The following FHIT variants were observed in gnomAD, a reference collection of about 807,000 sequenced individuals.
FHIT encodes the protein fragile histidine triad diadenosine triphosphatase, also known as bis(5'-adenosyl)-triphosphatase.
FHIT carries 19 observed loss-of-function variants against 17.9 expected under a neutral mutation model. The ratio of observed to expected loss-of-function variants is 1.06; its 90% CI spans 0.74 to 1.56. The LOEUF (loss-of-function observed/expected upper bound fraction) is 1.56, where lower values mean the gene tolerates loss of function less well. Among genes scored for constraint, FHIT ranks in the 40% most tolerant of loss-of-function variants. FHIT has a pLI of 0.00. For missense variants in FHIT, 248 were observed against 189.2 expected (o/e 1.31, Z -1.82); for synonymous variants, 81 against 69.7 (o/e 1.16, Z -0.81).
intron 3 of FHIT, among the ~76,000 whole-genome samples, chr3:61,008,573 G>A (rs528909538): frequency 1.3e-5 from 2 of 152,270 alleles, no homozygotes; most frequent in East Asian, 3.9e-4. Flanking sequence ...CAGTTATTGG[G>A]TTGAGTCTAA....
chr3:60,514,231 A>G (rs741751), intron 5 of FHIT, among the ~76,000 whole-genome samples: 56,319 of 152,168 alleles, frequency 0.37, 10,884 homozygotes, highest in African/African-American at 0.47. Flanking sequence ...TGAGCTGGCT[A>G]ACACTTAAGC....
chr3:60,285,278 A>G (rs1404169600), intron 5 of FHIT, among the ~76,000 whole-genome samples: 1 of 152,112 alleles, frequency 6.6e-6, no homozygotes, highest in Non-Finnish European at 1.5e-5. Flanking sequence ...AAAAATAAAC[A>G]TTTGCCAATG....
At chr3:59,843,642 A>G (rs1039702217) in intron 8 of FHIT, among the ~76,000 whole-genome samples, 1 of 152,116 alleles carries the variant, frequency 6.6e-6, no homozygotes, top group Non-Finnish European at 1.5e-5. Flanking sequence ...GCTAATTCCT[A>G]AGTATTTTAT....
Position 60,939,153 on chromosome 3 carries a change from T to A in FHIT, c.-111+102894A>T, listed in dbSNP as rs558818920. On this transcript the variant is annotated intron_variant, in intron 3 of 9. Transcript: ENST00000492590. ...AATGACACCTTAACTTCTACTTTGTTGCTTTTCTTTGAATTAACTAGGGCT... is the reference window on the plus strand; with the variant it reads ...AATGACACCTTAACTTCTACTTTGTAGCTTTTCTTTGAATTAACTAGGGCT... 7.2e-5 allele frequency among the ~76,000 whole-genome samples: 11 copies of A among 152,338 alleles called. No homozygotes were observed. The South Asian group carries it at 2.1e-3, about 29-fold the overall frequency.
chr3:60,723,183 C>G (rs551179444), intron 4 of FHIT, among the ~76,000 whole-genome samples: 1 of 152,278 alleles, frequency 6.6e-6, no homozygotes, highest in East Asian at 1.9e-4. Context: ...CTCCTAACAC[C>G]TTTTGCACAT....
chr3:60,627,440 T>C (rs1029092059), intron 4 of FHIT, among the ~76,000 whole-genome samples: 8 of 152,230 alleles, frequency 5.3e-5, no homozygotes, highest in Non-Finnish European at 8.8e-5. Context: ...ATCCAATTCA[T>C]AGTCATACAT....
At chr3:60,570,432 G>A (rs1343616125) in intron 4 of FHIT, among the ~76,000 whole-genome samples, 8 of 152,130 alleles carry the variant, frequency 5.3e-5, no homozygotes, top group Non-Finnish European at 1.0e-4. Flanking sequence ...TTGGGAATAA[G>A]AGTGTTGAGG....
intron 3 of FHIT, among the ~76,000 whole-genome samples, chr3:60,957,772 A>G (rs929528751): frequency 2.6e-5 from 4 of 152,162 alleles, no homozygotes; most frequent in Non-Finnish European, 5.9e-5. Flanking sequence ...TTTACAAAGC[A>G]CCTGTTTCCC....
At chr3:60,451,326 T>A (rs916315230) in intron 5 of FHIT, among the ~76,000 whole-genome samples, 9 of 152,112 alleles carry the variant, frequency 5.9e-5, no homozygotes, top group Non-Finnish European at 1.3e-4. Context: ...CCTTCCTGGT[T>A]CCCTGTGTTA....
At chr3:60,249,786 A>G (rs1705599623) in intron 5 of FHIT, among the ~76,000 whole-genome samples, 6 of 151,870 alleles carry the variant, frequency 4.0e-5, no homozygotes, top group Admixed American at 3.9e-4. Flanking sequence ...TAATAAAGAC[A>G]TACCTAAGAC....
rs146842012 is a variant in FHIT, at chr3:60,192,827, G to A, written c.104-178675C>T. Among the ~76,000 whole-genome samples, 25 of 152,154 alleles carry A rather than the reference G, an allele frequency of 1.6e-4. No homozygotes were observed. The South Asian group carries it at 3.7e-3, about 23-fold the overall frequency. ...GACTCATGTTTGGTTTTGACTTTTC[G>A]TAACCACGATCCACATTAAGAGCTT... On this transcript the variant is annotated intron_variant, in intron 5 of 9. Coordinates refer to ENST00000492590, the MANE Select transcript of FHIT (RefSeq NM_002012.4).
intron 5 of FHIT, among the ~76,000 whole-genome samples, chr3:60,254,592 T>C (rs1362725868): frequency 2.6e-5 from 4 of 152,170 alleles, no homozygotes; most frequent in African/African-American, 4.8e-5. Flanking sequence ...CAATATTTAA[T>C]ATAACATACT....
At chr3:60,620,597 A>T (rs1349754578) in intron 4 of FHIT, among the ~76,000 whole-genome samples, 1 of 152,038 alleles carries the variant, frequency 6.6e-6, no homozygotes, top group Non-Finnish European at 1.5e-5. Flanking sequence ...AAAAAAAAAA[A>T]AACTATGAAG....
At chr3:60,866,407 G>A (rs1487578237) in intron 3 of FHIT, among the ~76,000 whole-genome samples, 1 of 152,154 alleles carries the variant, frequency 6.6e-6, no homozygotes, top group Non-Finnish European at 1.5e-5. Context: ...GAGGAAGCCA[G>A]TCACCATTCT....
At chr3:59,760,810 G>T (rs1701471468) in intron 8 of FHIT, among the ~76,000 whole-genome samples, 1 of 150,898 alleles carries the variant, frequency 6.6e-6, no homozygotes, top group South Asian at 2.1e-4. Context: ...CTCCCTGATT[G>T]ATTGGCCACC....
intron 5 of FHIT, among the ~76,000 whole-genome samples, chr3:60,531,510 C>G (rs2035785419): frequency 6.6e-6 from 1 of 151,924 alleles, no homozygotes; most frequent in African/African-American, 2.4e-5. Flanking sequence ...GATCTCCTGA[C>G]CTCGTGATCC....
chr3:60,023,705 G>T (rs1700634121), intron 5 of FHIT, among the ~76,000 whole-genome samples: 1 of 152,178 alleles, frequency 6.6e-6, no homozygotes, highest in Non-Finnish European at 1.5e-5. Flanking sequence ...GTGGTATTTA[G>T]CAGATGAAGC....
chr3:59,955,598 A>G (rs1352028868), intron 7 of FHIT, among the ~76,000 whole-genome samples: 10 of 152,174 alleles, frequency 6.6e-5, no homozygotes, highest in Admixed American at 1.3e-4. Context: ...GAAGTCATAG[A>G]AGAGTCTCAA....
At chr3:60,829,131 C>T (rs551835373) in intron 3 of FHIT, among the ~76,000 whole-genome samples, 1 of 152,286 alleles carries the variant, frequency 6.6e-6, no homozygotes, top group East Asian at 1.9e-4. Flanking sequence ...GTGACAAGCA[C>T]CTACTATGAG....
Sources: allele counts gnomAD v4.1 joint callset (sites outside exome capture counted in the v4.1 genomes callset), GRCh38; gene constraint gnomAD v4.1.1; transcripts MANE v1.5; gene names NCBI Gene and HGNC (gene_info 2026-07-23, HGNC 2026-07-21).